The following TTC6 variants were observed in gnomAD, a reference collection of about 807,000 sequenced individuals.
TTC6 encodes the protein tetratricopeptide repeat protein 6.
Under a neutral mutation model 210.4 loss-of-function variants are expected in TTC6, and 172 were observed. That is an observed-to-expected ratio of 0.82 (90% confidence interval 0.72 to 0.93). The LOEUF is 0.93. Among genes scored for constraint, TTC6 ranks in the 40% least tolerant of loss-of-function variants. TTC6 has a pLI of 0.00. For synonymous variants in TTC6, 804 were observed against 819.6 expected (o/e 0.98, Z 0.32); for missense variants, 2,414 against 2,318.1 (o/e 1.04, Z -0.85).
chr14:37,616,003 T>A (rs2095642073), intron 2 of TTC6, among the ~76,000 whole-genome samples: 1 of 152,226 alleles, frequency 6.6e-6, no homozygotes, highest in South Asian at 2.1e-4. Flanking sequence ...TTCTGTCATA[T>A]CCTTTCTGAA....
intron 1 of TTC6, among the ~76,000 whole-genome samples, chr14:37,654,416 C>T (rs1169395057): frequency 1.3e-5 from 2 of 151,972 alleles, no homozygotes; most frequent in Admixed American, 6.6e-5. Context: ...ATGTAGCACC[C>T]ACCCCCTCAC....
At chr14:37,751,252 C>T (rs2095951061) in intron 13 of TTC6, 27 bp downstream of exon 15, 20 of 1,484,054 alleles carry the variant, frequency 1.3e-5, no homozygotes, top group Non-Finnish European at 1.8e-5. Flanking sequence ...ATAATTCTAC[C>T]ATTTATATAG....
intron 1 of TTC6, among the ~76,000 whole-genome samples, chr14:37,643,460 C>G (rs187843602): frequency 6.6e-6 from 1 of 152,186 alleles, no homozygotes; most frequent in Non-Finnish European, 1.5e-5. Context: ...TTCCCAAAAG[C>G]CAGGAGGAAG....
intron 7 of TTC6, among the ~76,000 whole-genome samples, chr14:37,732,210 T>C: frequency 8.4e-6 from 1 of 119,352 alleles, no homozygotes; most frequent in African/African-American, 3.4e-5. Flanking sequence ...TGAGAGAGAG[T>C]CTCACTCTGT....
chr14:37,692,219 A>AAG, intron 3 of TTC6, among the ~76,000 whole-genome samples: 1 of 147,202 alleles, frequency 6.8e-6, no homozygotes, highest in Non-Finnish European at 1.5e-5. Context: ...AAAAAAAAAA[A>AAG]AAAAAAAAAA....
chr14:37,830,495 A>AT (rs1338145710), intron 29 of TTC6, among the ~76,000 whole-genome samples: 2 of 151,188 alleles, frequency 1.3e-5, no homozygotes, highest in African/African-American at 4.9e-5. Context: ...TTTATTCTTA[A>AT]TTTTTTTATT....
chr14:37,626,106 G>A (rs1201905930), intron 1 of TTC6, among the ~76,000 whole-genome samples: 1 of 152,102 alleles, frequency 6.6e-6, no homozygotes, highest in Non-Finnish European at 1.5e-5. Context: ...TTGAGGCGGG[G>A]GCAAAATTAT....
At chr14:37,682,482 A>G (rs1199317562) in intron 2 of TTC6, among the ~76,000 whole-genome samples, 2 of 152,094 alleles carry the variant, frequency 1.3e-5, no homozygotes, top group African/African-American at 2.4e-5. Flanking sequence ...ATTTCATAGT[A>G]TTTGGTATTG....
Position 37,598,306 on chromosome 14 carries a change from CTGTGTT to C in TTC6, c.-235+2300_-235+2305del, listed in dbSNP as rs2095608406. 6.6e-6 allele frequency among the ~76,000 whole-genome samples: 1 copy of C among 152,128 alleles called. No homozygotes were observed. The highest frequency in any genetic ancestry group is 2.4e-5 in the African/African-American group (1 of 41,432). On this transcript the variant is annotated intron_variant, in intron 1 of 2. Coordinates refer to the TTC6 transcript ENST00000556845. This position sits in a 1 kb window ranked among gnomAD's most constrained non-coding sequence, Gnocchi z 4.9. The stretch of plus-strand genomic sequence containing the variant: ...CTGCGGTGTCCCGGGTTAAACTTGC[CTGTGTT>C]TAAGACGGGTCTGCGACAGCTTGGG...
At chr14:37,737,254 G>C (rs1489262311) in intron 8 of TTC6, among the ~76,000 whole-genome samples, 1 of 152,044 alleles carries the variant, frequency 6.6e-6, no homozygotes. Context: ...CTCATGATTA[G>C]AGGTGACTGT....
chr14:37,775,489 A>C (rs2096034370), intron 14 of TTC6, among the ~76,000 whole-genome samples: 1 of 152,180 alleles, frequency 6.6e-6, no homozygotes, highest in African/African-American at 2.4e-5. Flanking sequence ...TATTTATCCA[A>C]AAGTCATTCA....
At chr14:37,768,856 G>T (rs1390247008) in intron 14 of TTC6, among the ~76,000 whole-genome samples, 2 of 151,826 alleles carry the variant, frequency 1.3e-5, no homozygotes, top group East Asian at 3.9e-4. Context: ...GGAGTGGTGA[G>T]AAAGGGCATC....
intron 1 of TTC6, among the ~76,000 whole-genome samples, chr14:37,661,002 C>T (rs181988217): frequency 4.5e-4 from 68 of 152,282 alleles, no homozygotes; most frequent in Middle Eastern, 3.4e-3. Context: ...AATGTCTGTT[C>T]ATGTCCTTTT....
chr14:37,666,565 G>A (rs746001239), intron 1 of TTC6, among the ~76,000 whole-genome samples: 2 of 150,266 alleles, frequency 1.3e-5, no homozygotes, highest in African/African-American at 2.4e-5. Context: ...TTAGGCCACC[G>A]AGGAGATTTC....
chr14:37,669,654 T>C (rs1404941082), intron 1 of TTC6, among the ~76,000 whole-genome samples: 5 of 152,210 alleles, frequency 3.3e-5, no homozygotes, highest in East Asian at 1.9e-4. Flanking sequence ...CTTTTGTCTT[T>C]CTATTTTTAG....
chr14:37,749,404 A>G lies in TTC6; in HGVS notation c.2826+3A>G, dbSNP rs1341768427. 2.8e-6 allele frequency: 4 copies of G among 1,405,382 alleles called. No homozygotes were observed. The highest frequency in any genetic ancestry group is 3.7e-6 in the Non-Finnish European group (4 of 1,085,308). 87.1% of individuals were successfully genotyped at this position (1,405,382 alleles called of 1,614,324 possible). On this transcript the variant is annotated splice_donor_region_variant and intron_variant, in intron 11 of 30. Transcript: ENST00000553443. Reference sequence around the variant, plus strand: ...GTGCCATGAATGATCTGCAGAGAGTAAGTTTTCTTTAACCAAAATAGTAAT... The same window carrying G: ...GTGCCATGAATGATCTGCAGAGAGTGAGTTTTCTTTAACCAAAATAGTAAT...
intron 25 of TTC6, among the ~76,000 whole-genome samples, chr14:37,812,707 A>T (rs2096132441): frequency 6.6e-6 from 1 of 152,176 alleles, no homozygotes; most frequent in Admixed American, 6.5e-5. Flanking sequence ...GACAAAACTC[A>T]AGTTACTTAG....
At chr14:37,797,288 AG>A (rs1255693577) in intron 20 of TTC6, among the ~76,000 whole-genome samples, 2 of 152,044 alleles carry the variant, frequency 1.3e-5, no homozygotes, top group African/African-American at 4.8e-5. Context: ...CCTGAAGTGT[AG>A]GTGTATTCCT....
At chr14:37,616,000 A>G (rs573366196) in intron 2 of TTC6, among the ~76,000 whole-genome samples, 20 of 152,326 alleles carry the variant, frequency 1.3e-4, no homozygotes, top group African/African-American at 4.6e-4. Context: ...AGGTTCTGTC[A>G]TATCCTTTCT....
Sources: gnomAD v4.1 joint callset for allele counts (sites outside exome capture counted in the v4.1 genomes callset) on GRCh38, gnomAD v4.1.1 for gene constraint, Gnocchi (gnomAD v3.1) non-coding constraint, MANE v1.5 for transcripts, NCBI Gene and HGNC (gene_info 2026-07-23, HGNC 2026-07-21) for gene names.